The following SLC9C2 variants were observed in gnomAD, a reference collection of about 807,000 sequenced individuals.
SLC9C2 encodes solute carrier family 9 member C2 (putative), also known as sodium/hydrogen exchanger 11.
Under a neutral mutation model 140.2 loss-of-function variants are expected in SLC9C2, and 75 were observed. The ratio of observed to expected loss-of-function variants is 0.53; its 90% confidence interval spans 0.44 to 0.65. The LOEUF (loss-of-function observed/expected upper bound fraction) is 0.65, where lower values mean the gene tolerates loss of function less well. SLC9C2 is among the 30% of genes least tolerant of loss of function. SLC9C2 has a pLI of 0.00. For synonymous variants in SLC9C2, 375 were observed against 420.9 expected, an observed-to-expected ratio of 0.89 and a Z score of 1.34; for missense variants, 1,074 against 1,331.8, an observed-to-expected ratio of 0.81 and a Z score of 3.01.
intron 8 of SLC9C2, among the ~76,000 whole-genome samples, chr1:173,575,565 T>C (rs1450006575): frequency 6.6e-6 from 1 of 151,734 alleles, no homozygotes; most frequent in Admixed American, 6.6e-5. Flanking sequence ...TTTGTTGTTG[T>C]TGTTGTTTGT....
Position 173,536,987 on chromosome 1 carries a change from C to G in SLC9C2, c.1610G>C (p.Arg537Pro). The G allele has an allele frequency of 6.2e-7, 1 of 1,613,712 alleles. No individual in the cohort carries two copies. The highest frequency in any genetic ancestry group is 8.5e-7 in the Non-Finnish European group (1 of 1,179,806). ...NNGILEIEAA[R>P]ILIGAAKCYY... ...GCATTTTGCTGCACCAATTAATATC[C>G]GGGCTGCCTCTATTTCAAGAATTCC... is the stretch of plus-strand genomic sequence containing the variant. Residue 537 changes from arginine (R) to proline (P), a missense_variant, in exon 14 of 28, where the codon CGG becomes CCG. Physicochemically the swap from Arg to Pro is moderately radical, Grantham distance 103. Transcript: ENST00000367714.
In SLC9C2 at chr1:173,523,776, G is replaced by A. The variant is rs143216122; in HGVS notation, c.2640+193C>T. 3.3e-4 allele frequency among the ~76,000 whole-genome samples: 51 copies of A among 152,364 alleles called. No individual in the cohort carries two copies. The Middle Eastern group carries it at 0.01, about 30-fold the overall frequency. Reference sequence around the variant, plus strand: ...GCTACTCATAAGCGGATAAGCCATTGTGAAAAACTATCTTTGCCCTTTAGG... The same window carrying A: ...GCTACTCATAAGCGGATAAGCCATTATGAAAAACTATCTTTGCCCTTTAGG... On this transcript the variant is annotated intron_variant, in intron 21 of 27. Coordinates refer to ENST00000367714, the MANE Select transcript of SLC9C2 (RefSeq NM_178527.4).
intron 24 of SLC9C2, among the ~76,000 whole-genome samples, chr1:173,508,168 A>T (rs184152244): frequency 6.6e-6 from 1 of 151,112 alleles, no homozygotes; most frequent in Non-Finnish European, 1.5e-5. Flanking sequence ...CAGAAAATCT[A>T]AAAAAAAATC....
chr1:173,594,663 G>A (rs1450751300), intron 4 of SLC9C2, among the ~76,000 whole-genome samples: 1 of 152,112 alleles, frequency 6.6e-6, no homozygotes, highest in Non-Finnish European at 1.5e-5. Flanking sequence ...TGTCAATAAT[G>A]TAATAAAATA....
At chr1:173,597,836 G>A in intron 4 of SLC9C2, 68 bp downstream of exon 4, 2 of 1,402,802 alleles carry the variant, frequency 1.4e-6, no homozygotes, top group Non-Finnish European at 1.9e-6. Flanking sequence ...ATCTATATAG[G>A]CAGCCATATT....
At chr1:173,521,177 G>T in intron 22 of SLC9C2, 124 bp downstream of exon 22, 1 of 505,442 alleles carries the variant, frequency 2.0e-6, no homozygotes, top group Non-Finnish European at 3.4e-6. Context: ...GCTCAGAGTA[G>T]AAATGGTTTC....
chr1:173,602,560 C>T (rs1361630654), intron 1 of SLC9C2, among the ~76,000 whole-genome samples, 191 bp downstream of exon 1: 1 of 152,188 alleles, frequency 6.6e-6, no homozygotes, highest in Non-Finnish European at 1.5e-5. Context: ...CATGGCTTGG[C>T]ATGTGACTAC....
intron 23 of SLC9C2, among the ~76,000 whole-genome samples, chr1:173,510,380 T>C (rs1328037495): frequency 6.6e-6 from 1 of 152,188 alleles, no homozygotes; most frequent in Admixed American, 6.5e-5. Context: ...GGTTTGTTAC[T>C]TAGGTCTACG....
At position 173,521,407 on chromosome 1, in the gene SLC9C2, G is replaced by GT; in HGVS notation, c.2641-9_2641-8insA. The GT allele has an allele frequency of 1.4e-6, 2 of 1,422,162 alleles. No homozygotes were observed. The highest frequency in any genetic ancestry group is 1.8e-6 in the Non-Finnish European group (2 of 1,083,948). 88.1% of individuals were successfully genotyped at this position (1,422,162 alleles called of 1,614,324 possible). ...GGCAAGTTTGGCTCTTTCCTGAGTG[G>GT]GAAAAAAAAAAACGAAAAGAAAAAG... On this transcript the variant is annotated splice_polypyrimidine_tract_variant and intron_variant, in intron 21 of 27. Transcript: ENST00000367714.
chr1:173,500,909 T>C lies in SLC9C2; in HGVS notation c.*185A>G, dbSNP rs1659220824. The C allele has an allele frequency of 3.7e-6, 2 of 535,492 alleles. No homozygotes were observed. Among genetic ancestry groups the C allele is most frequent in the Admixed American group, 4.9e-5 (1 of 20,264 alleles). 33.2% of individuals were successfully genotyped at this position (535,492 alleles called of 1,614,324 possible). A position where few individuals can be genotyped will look rare whatever the true frequency, so the allele number is the denominator to read the frequency against. The stretch of plus-strand genomic sequence containing the variant: ...AATGCAACTACTTAAAATTAAGAAG[T>C]TTTACAGAAGTCCATCCATTGCTTA... On this transcript the variant is annotated 3_prime_UTR_variant, in exon 28 of 28. Coordinates refer to ENST00000367714, the MANE Select transcript of SLC9C2 (RefSeq NM_178527.4).
intron 22 of SLC9C2, among the ~76,000 whole-genome samples, chr1:173,518,280 C>A (rs58675956): frequency 1.5e-4 from 20 of 132,224 alleles, no homozygotes; most frequent in East Asian, 2.7e-4. Context: ...AAAAAAAAAA[C>A]CCACCAAAAC....
chr1:173,560,850 G>T (rs1664059012), intron 9 of SLC9C2, among the ~76,000 whole-genome samples: 1 of 152,056 alleles, frequency 6.6e-6, no homozygotes, highest in African/African-American at 2.4e-5. Context: ...AGGCTGGAGT[G>T]CAGTGGAGTG....
At chr1:173,582,354 A>G (rs1420741704) in intron 6 of SLC9C2, among the ~76,000 whole-genome samples, 1 of 152,220 alleles carries the variant, frequency 6.6e-6, no homozygotes, top group Non-Finnish European at 1.5e-5. Flanking sequence ...TAGATAAACT[A>G]TGTCAAGACC....
intron 13 of SLC9C2, among the ~76,000 whole-genome samples, chr1:173,542,494 C>A (rs961874412): frequency 2.6e-5 from 4 of 152,174 alleles, no homozygotes; most frequent in African/African-American, 9.7e-5. Flanking sequence ...AGGGAATCCT[C>A]CCTAACTCAT....
chr1:173,570,177 A>T (rs570389028), intron 9 of SLC9C2, among the ~76,000 whole-genome samples: 5 of 152,290 alleles, frequency 3.3e-5, no homozygotes, highest in African/African-American at 1.2e-4. Context: ...TGAAGCCAGC[A>T]CATCTGAGTC....
intron 11 of SLC9C2, among the ~76,000 whole-genome samples, chr1:173,550,532 G>C (rs918294595): frequency 2.0e-5 from 3 of 150,574 alleles, no homozygotes; most frequent in African/African-American, 7.4e-5. Flanking sequence ...TCCACCTCCT[G>C]GGTTCAAGTG....
intron 22 of SLC9C2, among the ~76,000 whole-genome samples, chr1:173,519,268 G>A (rs778101555): frequency 6.6e-6 from 1 of 152,072 alleles, no homozygotes; most frequent in South Asian, 2.1e-4. Flanking sequence ...CTCAAGGTGG[G>A]CTCCAGCTGA....
intron 5 of SLC9C2, among the ~76,000 whole-genome samples, chr1:173,585,028 T>C (rs1278976349): frequency 6.6e-6 from 1 of 152,224 alleles, no homozygotes; most frequent in Non-Finnish European, 1.5e-5. Context: ...GACCCAGATA[T>C]AACCATTTTA....
intron 8 of SLC9C2, among the ~76,000 whole-genome samples, chr1:173,574,950 C>A (rs1046863222): frequency 6.6e-6 from 1 of 152,034 alleles, no homozygotes; most frequent in Non-Finnish European, 1.5e-5. Flanking sequence ...GAAACCCCAT[C>A]TCTACAAAAA....
Sources: allele counts gnomAD v4.1 joint callset (sites outside exome capture counted in the v4.1 genomes callset), GRCh38; gene constraint gnomAD v4.1.1; transcripts MANE v1.5; gene names NCBI Gene and HGNC (gene_info 2026-07-23, HGNC 2026-07-21).